DENND5A: variants seen among roughly 807,000 people sequenced by gnomAD.
The protein encoded by DENND5A is DENN domain-containing protein 5A.
A neutral mutation model predicts 140.3 loss-of-function variants in DENND5A; 64 were observed. The observed-to-expected ratio is 0.46, with a 90% CI of 0.37 to 0.56. The LOEUF (loss-of-function observed/expected upper bound fraction) is 0.56. Ranked by LOEUF, DENND5A falls within the 20% of genes least tolerant of loss-of-function variation. The pLI, the probability that DENND5A is intolerant of heterozygous loss-of-function variation, is 0.00. For missense variants in DENND5A, 1,292 were observed against 1,593.8 expected, an observed-to-expected ratio of 0.81 and a Z score of 3.22; for synonymous variants, 605 against 607.7, an observed-to-expected ratio of 1.00 and a Z score of 0.07.
intron 1 of DENND5A, among the ~76,000 whole-genome samples, chr11:9,220,052 GGTTTT>G (rs905949994): frequency 1.3e-5 from 2 of 152,040 alleles, no homozygotes; most frequent in African/African-American, 4.8e-5. Flanking sequence ...AAGAGAGATT[GGTTTT>G]GTTTTGTTTT....
At chr11:9,179,718 C>T (rs1177066013) in intron 6 of DENND5A, among the ~76,000 whole-genome samples, 4 of 152,108 alleles carry the variant, frequency 2.6e-5, no homozygotes, top group African/African-American at 7.2e-5. Flanking sequence ...AGACTGGTCT[C>T]GAACTCCCAA....
At chr11:9,184,356 A>AG (rs1230924378) in intron 5 of DENND5A, among the ~76,000 whole-genome samples, 1 of 151,656 alleles carries the variant, frequency 6.6e-6, no homozygotes, top group Non-Finnish European at 1.5e-5. Context: ...CCGTCTCAAA[A>AG]GAAAAAAAAA....
In DENND5A at chr11:9,252,862, T is replaced by TG. The variant is rs1177205985; in HGVS notation, c.109+12098_109+12099insC. On this transcript the variant is annotated intron_variant, in intron 1 of 22. Coordinates refer to ENST00000328194, the MANE Select transcript of DENND5A (RefSeq NM_015213.4). ...AGGGACAGCAACAGGATTTTTTTTT[T>TG]TTTTTGAGTCAGGGTCTCACCCTAT... Among the ~76,000 whole-genome samples, 331 of 151,896 alleles carry TG rather than the reference T, an allele frequency of 2.2e-3. 2 individuals are homozygous for TG. Among genetic ancestry groups the TG allele is most frequent in the African/African-American group, 7.7e-3 (317 of 41,402 alleles).
intron 1 of DENND5A, among the ~76,000 whole-genome samples, chr11:9,258,359 G>A (rs1389911882): frequency 7.5e-6 from 1 of 133,170 alleles, no homozygotes; most frequent in Non-Finnish European, 1.5e-5. Context: ...TCCCACTTAT[G>A]AGTGAGAACA....
intron 1 of DENND5A, among the ~76,000 whole-genome samples, chr11:9,247,856 C>G (rs1851545897): frequency 6.6e-6 from 1 of 152,206 alleles, no homozygotes; most frequent in Non-Finnish European, 1.5e-5. Context: ...CCACAAAAGA[C>G]AGCTTTGCAG....
intron 1 of DENND5A, 89 bp downstream of exon 1, chr11:9,264,872 G>A: frequency 2.4e-6 from 3 of 1,226,712 alleles, no homozygotes; most frequent in Non-Finnish European, 3.4e-6. Context: ...CCCGGCTCCC[G>A]GGACAAAGCG....
chr11:9,182,883 T>C (rs1848779985), intron 5 of DENND5A, among the ~76,000 whole-genome samples: 1 of 152,120 alleles, frequency 6.6e-6, no homozygotes, highest in Non-Finnish European at 1.5e-5. Context: ...TGTTGTATTT[T>C]TTCAAGTAGC....
chr11:9,159,216 T>C (rs1847900209), intron 12 of DENND5A, among the ~76,000 whole-genome samples: 1 of 152,192 alleles, frequency 6.6e-6, no homozygotes, highest in South Asian at 2.1e-4. Context: ...TTCCAATGTA[T>C]TATACCAAAT....
intron 1 of DENND5A, among the ~76,000 whole-genome samples, chr11:9,214,844 C>T (rs1479465140): frequency 1.3e-5 from 2 of 152,222 alleles, no homozygotes; most frequent in Non-Finnish European, 2.9e-5. Flanking sequence ...CTGCCTCGGC[C>T]TCCCAACTAG....
rs1554919013 is a variant in DENND5A at position 9,178,860 on chromosome 11, T to A, written c.1669A>T (p.Lys557Ter). The stretch of plus-strand genomic sequence containing the variant: ...CTCCCAAGCAGGATTACACTCACTT[T>A]ATCAAAGTTTTGCATTTGCTCCCTG... ...TNREQMQNFD[K>*]ASFLSDQPEP... The change falls in exon 7 of 23, where the codon AAA (lysine) becomes TAA (stop). Residue 557 changes from lysine to a stop codon, truncating the protein, a stop_gained and splice_region_variant. Coordinates refer to ENST00000328194, the MANE Select transcript of DENND5A (RefSeq NM_015213.4). LOFTEE classifies it high-confidence loss of function. The A allele has an allele frequency of 6.2e-7, 1 of 1,613,656 alleles. No individual in the cohort carries two copies. The highest frequency in any genetic ancestry group is 8.5e-7 in the Non-Finnish European group (1 of 1,179,634).
Position 9,139,616 on chromosome 11 carries a change from G to A in DENND5A, c.*55C>T. ...CGCTTAAGTCCCTTTGGGAAAAAAG[G>A]TCAGAGCTGCAGGGTGAGTCTTTCT... On this transcript the variant is annotated 3_prime_UTR_variant, in exon 23 of 23. Transcript: ENST00000328194. The A allele has an allele frequency of 6.4e-7, 1 of 1,550,890 alleles. No homozygotes were observed.
At chr11:9,188,495 C>A (rs1417447201) in intron 5 of DENND5A, among the ~76,000 whole-genome samples, 1 of 152,146 alleles carries the variant, frequency 6.6e-6, no homozygotes, top group Non-Finnish European at 1.5e-5. Context: ...TTGGAGGGAT[C>A]AGGAGAAGAC....
Position 9,204,286 on chromosome 11 carries a change from G to A in DENND5A, c.323C>T (p.Thr108Ile), listed in dbSNP as rs776667845. 1.2e-6 allele frequency: 2 copies of A among 1,612,952 alleles called. No individual in the cohort carries two copies. The highest frequency in any genetic ancestry group is 1.7e-6 in the Non-Finnish European group (2 of 1,179,996). ...TTGGGGCTCCCTGGGATCAGCCTGG[G>A]TCTTGAATGCCAGCCCTTTCGGCAT... ...LCMPKGLAFKTQADPREPQFH... is the reference protein window; with the variant it reads ...LCMPKGLAFKIQADPREPQFH... The change falls in exon 4 of 23, where the codon ACC (threonine) becomes ATC (isoleucine). Residue 108 changes from threonine (T) to isoleucine (I), a missense_variant. Coordinates refer to ENST00000328194, the MANE Select transcript of DENND5A (RefSeq NM_015213.4).
chr11:9,201,223 T>A (rs988176101), intron 4 of DENND5A, among the ~76,000 whole-genome samples: 16 of 151,074 alleles, frequency 1.1e-4, no homozygotes, highest in African/African-American at 3.9e-4. Context: ...AATTTTTTTT[T>A]AATTAGCCAG....
intron 4 of DENND5A, among the ~76,000 whole-genome samples, chr11:9,203,122 G>T (rs1849578106): frequency 6.6e-6 from 1 of 152,104 alleles, no homozygotes; most frequent in South Asian, 2.1e-4. Flanking sequence ...TACTAGCCTG[G>T]CTCATTAAGT....
chr11:9,179,352 T>C (rs1365791355), intron 6 of DENND5A, among the ~76,000 whole-genome samples: 1 of 152,142 alleles, frequency 6.6e-6, no homozygotes, highest in Non-Finnish European at 1.5e-5. Context: ...GATTCTGCCA[T>C]GAAAGAAAAG....
At chr11:9,203,418 A>T (rs1384711999) in intron 4 of DENND5A, 3 of 445,572 alleles carry the variant, frequency 6.7e-6, no homozygotes, top group Non-Finnish European at 1.2e-5. Context: ...ATCAGAAGGG[A>T]CATAGGAAGC....
Position 9,169,838 on chromosome 11 carries a change from A to G in DENND5A, c.2151+18T>C, listed in dbSNP as rs1848312797. 1.4e-6 allele frequency: 2 copies of G among 1,447,370 alleles called. No homozygotes were observed. The highest frequency in any genetic ancestry group is 1.9e-6 in the Non-Finnish European group (2 of 1,028,244). The allele number at this position is 1,447,370 out of a possible 1,614,324, so 89.7% of individuals were successfully genotyped here. A position where few individuals can be genotyped will look rare whatever the true frequency, so the allele number is the denominator to read the frequency against. ...GCATGATAGCAAGGTCATCCTTATC[A>G]TTCTTAAGGTATCTTACCTCCCTCT... On this transcript the variant is annotated intron_variant, in intron 10 of 22. Coordinates refer to ENST00000328194, the MANE Select transcript of DENND5A (RefSeq NM_015213.4).
At chr11:9,152,885 T>A (rs111477718) in intron 12 of DENND5A, among the ~76,000 whole-genome samples, 6 of 150,642 alleles carry the variant, frequency 4.0e-5, no homozygotes, top group African/African-American at 1.5e-4. Flanking sequence ...ATGGCTATAA[T>A]CCCAGCTACT....
Sources: allele counts gnomAD v4.1 joint callset (sites outside exome capture counted in the v4.1 genomes callset), GRCh38; gene constraint gnomAD v4.1.1; transcripts MANE v1.5; gene names NCBI Gene and HGNC (gene_info 2026-07-23, HGNC 2026-07-21).